MDGA2: variants seen among roughly 807,000 people sequenced by gnomAD.
MDGA2 encodes MAM domain-containing glycosylphosphatidylinositol anchor protein 2.
MDGA2 carries 40 observed loss-of-function variants against 117.8 expected under a neutral mutation model. The ratio of observed to expected loss-of-function variants is 0.34; its 90% CI spans 0.26 to 0.44. The LOEUF is 0.44. Ranked by LOEUF, MDGA2 falls within the 20% of genes least tolerant of loss-of-function variation. The pLI is 1.00. For synonymous variants in MDGA2, 452 were observed against 439.0 expected, an observed-to-expected ratio of 1.03 and a Z score of -0.37; for missense variants, 1,123 against 1,250.6, an observed-to-expected ratio of 0.90 and a Z score of 1.54.
At chr14:47,552,364 A>G (rs1357236730) in intron 1 of MDGA2, among the ~76,000 whole-genome samples, 1 of 152,214 alleles carries the variant, frequency 6.6e-6, no homozygotes, top group Non-Finnish European at 1.5e-5. Context: ...CCAAACTAGT[A>G]TGTCCAAAAC....
intron 9 of MDGA2, among the ~76,000 whole-genome samples, chr14:46,929,649 A>ACAT (rs1884485466): frequency 5.8e-4 from 8 of 13,710 alleles, no homozygotes; most frequent in East Asian, 1.3e-3. Context: ...ATATATATAC[A>ACAT]TTTTTTTTTT....
chr14:47,583,518 T>C (rs1002315215), intron 1 of MDGA2, among the ~76,000 whole-genome samples: 3 of 151,904 alleles, frequency 2.0e-5, no homozygotes, highest in African/African-American at 7.2e-5. Flanking sequence ...ATACGTATGT[T>C]GAGTTCTCTC....
chr14:46,918,250 T>C (rs1318892322), intron 10 of MDGA2, among the ~76,000 whole-genome samples: 2 of 151,790 alleles, frequency 1.3e-5, no homozygotes, highest in African/African-American at 4.9e-5. Flanking sequence ...AATTTAGTCA[T>C]AGATTCTTAC....
At chr14:47,331,444 CTAG>C (rs1890289925) in intron 1 of MDGA2, among the ~76,000 whole-genome samples, 1 of 151,890 alleles carries the variant, frequency 6.6e-6, no homozygotes, top group African/African-American at 2.4e-5. Context: ...ACTGTAGAAA[CTAG>C]TATTTTAATC....
intron 1 of MDGA2, among the ~76,000 whole-genome samples, chr14:47,342,731 GT>G (rs1890666984): frequency 6.6e-6 from 1 of 152,136 alleles, no homozygotes; most frequent in Admixed American, 6.6e-5. Context: ...TGGAGAATGG[GT>G]GCTCAATTGA....
At position 46,860,279 on chromosome 14, in the gene MDGA2, TTC is replaced by T. The variant is rs1279226663; in HGVS notation, c.2753-5127_2753-5126del. Among the ~76,000 whole-genome samples, 5 of 152,158 alleles carry T rather than the reference TTC, an allele frequency of 3.3e-5. 1 individual carries two copies. The highest frequency in any genetic ancestry group is 1.2e-4 in the African/African-American group (5 of 41,570). ...TTAAAGTATGTAAACCATATATTATTTCTCATATAATCAGCACATTTATTATT... is the reference window on the plus strand; with the variant it reads ...TTAAAGTATGTAAACCATATATTATTTCATATAATCAGCACATTTATTATT... On this transcript the variant is annotated intron_variant, in intron 14 of 16. Transcript: ENST00000399232.
chr14:47,318,807 A>AAGG (rs1268502671), intron 1 of MDGA2, among the ~76,000 whole-genome samples: 1 of 141,488 alleles, frequency 7.1e-6, no homozygotes, highest in Non-Finnish European at 1.5e-5. Flanking sequence ...GAAAGGGAGG[A>AAGG]AAGAAGGAAG....
chr14:47,490,886 G>A (rs578056069), intron 1 of MDGA2, among the ~76,000 whole-genome samples: 56 of 152,194 alleles, frequency 3.7e-4, no homozygotes, highest in South Asian at 1.0e-3. Context: ...TAGGCCTGGC[G>A]TAGGTATCTC....
At chr14:47,423,102 C>T (rs916955589) in intron 1 of MDGA2, among the ~76,000 whole-genome samples, 2 of 152,078 alleles carry the variant, frequency 1.3e-5, no homozygotes, top group Non-Finnish European at 2.9e-5. Context: ...ACAATCCTTG[C>T]TTTCTCTTCT....
chr14:47,219,403 A>G (rs1317257519), intron 2 of MDGA2, among the ~76,000 whole-genome samples: 4 of 152,080 alleles, frequency 2.6e-5, no homozygotes, highest in Non-Finnish European at 1.5e-5. Flanking sequence ...ACAAAAAGAA[A>G]TATCAATATT....
At chr14:47,053,450 C>T (rs916517786) in intron 7 of MDGA2, among the ~76,000 whole-genome samples, 5 of 151,562 alleles carry the variant, frequency 3.3e-5, no homozygotes, top group African/African-American at 1.2e-4. Flanking sequence ...CACAAACATA[C>T]ATCCTTTATG....
chr14:47,063,591 G>T (rs987023952), intron 6 of MDGA2, among the ~76,000 whole-genome samples: 6 of 151,918 alleles, frequency 3.9e-5, no homozygotes, highest in Admixed American at 6.6e-5. Flanking sequence ...TATATTTTCT[G>T]TTAAAAACAG....
At position 47,297,106 on chromosome 14, in the gene MDGA2, G is replaced by A. The variant is rs1037163066; in HGVS notation, c.420+4305C>T. 9.2e-5 allele frequency among the ~76,000 whole-genome samples: 14 copies of A among 152,228 alleles called. No individual in the cohort carries two copies. In the East Asian group the frequency reaches 2.1e-3, roughly 23 times the overall value. On this transcript the variant is annotated intron_variant, in intron 2 of 16. Coordinates refer to ENST00000399232, the MANE Select transcript of MDGA2 (RefSeq NM_001113498.3). The stretch of plus-strand genomic sequence containing the variant: ...CTACCAGCCTTGACCCATACTTGGT[G>A]TTTTGGACACATGGCCAAGTGAAAA...
At chr14:47,446,926 C>T (rs1893135368) in intron 1 of MDGA2, among the ~76,000 whole-genome samples, 1 of 152,162 alleles carries the variant, frequency 6.6e-6, no homozygotes, top group Non-Finnish European at 1.5e-5. Flanking sequence ...ATTCTATTCA[C>T]ATACTATGAA....
At chr14:46,954,068 G>A (rs1452116410) in intron 9 of MDGA2, among the ~76,000 whole-genome samples, 2 of 151,958 alleles carry the variant, frequency 1.3e-5, no homozygotes, top group Non-Finnish European at 2.9e-5. Flanking sequence ...GTTGGTTTAA[G>A]CCAATGTGTA....
At chr14:47,022,357 G>C (rs190518224) in intron 8 of MDGA2, among the ~76,000 whole-genome samples, 3 of 152,254 alleles carry the variant, frequency 2.0e-5, no homozygotes, top group Admixed American at 6.5e-5. Flanking sequence ...GGGATTACAG[G>C]TATGAGCCAC....
intron 8 of MDGA2, among the ~76,000 whole-genome samples, chr14:46,993,869 T>C (rs552863075): frequency 8.7e-4 from 132 of 152,324 alleles, no homozygotes; most frequent in Non-Finnish European, 1.6e-3. Context: ...AAGAAAGGTA[T>C]TGCCTTTGTA....
intron 1 of MDGA2, among the ~76,000 whole-genome samples, chr14:47,609,739 C>T (rs1030575303): frequency 7.3e-5 from 11 of 151,570 alleles, no homozygotes; most frequent in African/African-American, 1.2e-4. Context: ...ACCGCATCCA[C>T]ATCAACATCT....
chr14:47,398,452 A>C (rs1049491190), intron 1 of MDGA2, among the ~76,000 whole-genome samples: 4 of 152,182 alleles, frequency 2.6e-5, no homozygotes, highest in African/African-American at 9.7e-5. Context: ...TACGCTATGA[A>C]GAAAAAACTA....
Sources: allele counts gnomAD v4.1 joint callset (sites outside exome capture counted in the v4.1 genomes callset), GRCh38; gene constraint gnomAD v4.1.1; transcripts MANE v1.5; gene names NCBI Gene and HGNC (gene_info 2026-07-23, HGNC 2026-07-21).